Variants in SLC2A9 observed in about 807,000 individuals in gnomAD.
SLC2A9 encodes the protein solute carrier family 2, facilitated glucose transporter member 9.
SLC2A9 carries 39 observed loss-of-function variants against 50.6 expected under a neutral mutation model. The ratio of observed to expected loss-of-function variants is 0.77; its 90% CI spans 0.60 to 1.01. SLC2A9 has a LOEUF of 1.01. Ranked by LOEUF, SLC2A9 falls within the 50% of genes least tolerant of loss-of-function variation. The pLI is 0.00. For missense variants in SLC2A9, 686 were observed against 677.6 expected, an observed-to-expected ratio of 1.01 and a Z score of -0.14; for synonymous variants, 324 against 276.9, an observed-to-expected ratio of 1.17 and a Z score of -1.69.
chr4:9,893,312 A>T (rs2109816157), intron 8 of SLC2A9, among the ~76,000 whole-genome samples: 1 of 151,968 alleles, frequency 6.6e-6, no homozygotes, highest in East Asian at 1.9e-4. Context: ...CAGAGCCTGG[A>T]AGAATACCTG....
At chr4:9,897,032 G>C (rs541322004) in intron 8 of SLC2A9, among the ~76,000 whole-genome samples, 1 of 152,160 alleles carries the variant, frequency 6.6e-6, no homozygotes, top group East Asian at 1.9e-4. Context: ...CATTTTCTTG[G>C]GGTAGGTGCT....
chr4:9,900,572 CCT>C (rs1739414205), intron 8 of SLC2A9, among the ~76,000 whole-genome samples: 1 of 152,146 alleles, frequency 6.6e-6, no homozygotes, highest in Non-Finnish European at 1.5e-5. Flanking sequence ...TTCTTCCCTT[CCT>C]CATCCCCACC....
At chr4:10,030,604 G>T (rs1290578642) in intron 1 of SLC2A9, among the ~76,000 whole-genome samples, 2 of 152,070 alleles carry the variant, frequency 1.3e-5, no homozygotes, top group Non-Finnish European at 2.9e-5. Flanking sequence ...GGAAATCTCT[G>T]TACCTTCCTC....
chr4:9,791,783 C>T (rs1049071458), intron 3 of SLC2A9, among the ~76,000 whole-genome samples: 7 of 152,160 alleles, frequency 4.6e-5, no homozygotes, highest in African/African-American at 1.7e-4. Context: ...CCTTATATTA[C>T]TCCTTGATTG....
chr4:9,964,166 A>C (rs1252471614), intron 5 of SLC2A9, among the ~76,000 whole-genome samples: 1 of 152,162 alleles, frequency 6.6e-6, no homozygotes, highest in Non-Finnish European at 1.5e-5. Context: ...TTTTGTATGC[A>C]CCCGGGTATA....
chr4:9,834,876 C>A lies in SLC2A9; in HGVS notation c.1419+5G>T. On this transcript the variant is annotated splice_donor_5th_base_variant and intron_variant, in intron 11 of 11. Transcript: ENST00000264784. ...CATGGGCAAAAGACTCCTTGTCAGT[C>A]ATACCTGAATGAATGGGAAGAGGAG... 6.2e-7 allele frequency: 1 copy of A among 1,614,100 alleles called. No homozygotes were observed. Among genetic ancestry groups the A allele is most frequent in the Non-Finnish European group, 8.5e-7 (1 of 1,180,012 alleles).
At chr4:9,912,007 G>A (rs1741911310) in intron 7 of SLC2A9, among the ~76,000 whole-genome samples, 1 of 152,100 alleles carries the variant, frequency 6.6e-6, no homozygotes. Context: ...GGATGAAGCT[G>A]GAAACCATCA....
rs566407372 is a variant in SLC2A9, at chr4:9,807,560, G to T, written n.421-8319C>A. Among the ~76,000 whole-genome samples the T allele has an allele frequency of 8.3e-4, 127 of 152,194 alleles. 1 individual carries two copies. The highest frequency in any genetic ancestry group is 3.0e-3 in the African/African-American group (124 of 41,526). On this transcript the variant is annotated intron_variant and non_coding_transcript_variant, in intron 3 of 3. Transcript: ENST00000503280. ...AGCTGGGCCAGGCCTCTTGCCTTTTGCATTTCCAGTGCATAGCATCAGTGT... is the reference window on the plus strand; with the variant it reads ...AGCTGGGCCAGGCCTCTTGCCTTTTTCATTTCCAGTGCATAGCATCAGTGT...
intron 2 of SLC2A9, among the ~76,000 whole-genome samples, chr4:10,008,810 G>A (rs1204116529): frequency 6.6e-6 from 1 of 151,800 alleles, no homozygotes; most frequent in Admixed American, 6.6e-5. Flanking sequence ...AATCTGCCAT[G>A]TGGGGCTGGT....
intron 5 of SLC2A9, among the ~76,000 whole-genome samples, chr4:9,942,656 G>A (rs1441087705): frequency 1.3e-5 from 2 of 152,200 alleles, no homozygotes; most frequent in East Asian, 1.9e-4. Flanking sequence ...AGATCCCTAC[G>A]ACACGCACTA....
intron 2 of SLC2A9, among the ~76,000 whole-genome samples, chr4:10,007,223 A>C (rs943456160): frequency 2.0e-5 from 3 of 152,106 alleles, no homozygotes; most frequent in Non-Finnish European, 2.9e-5. Context: ...CTAAGGAAAA[A>C]ACTCAGCTCC....
chr4:9,809,562 G>A (rs1398197242), intron 3 of SLC2A9, among the ~76,000 whole-genome samples: 1 of 152,170 alleles, frequency 6.6e-6, no homozygotes, highest in East Asian at 1.9e-4. Flanking sequence ...AAACAACTGA[G>A]CACATTCCAG....
intron 7 of SLC2A9, 79 bp from the exon 8 acceptor site, chr4:9,908,424 C>G: frequency 9.8e-7 from 1 of 1,020,214 alleles, no homozygotes; most frequent in African/African-American, 1.6e-5. Flanking sequence ...ATTTGGGTAT[C>G]AGGTGGTCTC....
intron 10 of SLC2A9, among the ~76,000 whole-genome samples, chr4:9,841,324 G>A (rs1728054351): frequency 6.6e-6 from 1 of 152,004 alleles, no homozygotes; most frequent in Non-Finnish European, 1.5e-5. Flanking sequence ...TTGTTCTCTT[G>A]TTTTCTGCAT....
At chr4:9,811,628 T>A (rs573722807) in intron 3 of SLC2A9, among the ~76,000 whole-genome samples, 18 of 152,302 alleles carry the variant, frequency 1.2e-4, no homozygotes, top group South Asian at 2.1e-4. Flanking sequence ...AAATGACTGA[T>A]TAAATTCAGG....
intron 8 of SLC2A9, among the ~76,000 whole-genome samples, chr4:9,901,944 C>T (rs1452133668): frequency 1.3e-5 from 2 of 152,250 alleles, no homozygotes; most frequent in African/African-American, 4.8e-5. Context: ...TTTTGCCTGG[C>T]TTTGTCCCTC....
intron 6 of SLC2A9, among the ~76,000 whole-genome samples, chr4:9,921,819 T>C (rs1465338114): frequency 6.6e-6 from 1 of 152,236 alleles, no homozygotes; most frequent in Admixed American, 6.5e-5. Flanking sequence ...AAATGCAACA[T>C]CTATGTGATA....
intron 8 of SLC2A9, among the ~76,000 whole-genome samples, chr4:9,903,940 T>C (rs1042193121): frequency 2.7e-5 from 4 of 147,956 alleles, no homozygotes; most frequent in Admixed American, 1.4e-4. Flanking sequence ...TTTATTTCCT[T>C]GTTTTCAAAT....
intron 5 of SLC2A9, among the ~76,000 whole-genome samples, chr4:9,950,738 A>AT (rs1285129997): frequency 3.3e-5 from 1 of 30,268 alleles, no homozygotes; most frequent in African/African-American, 4.4e-4. Flanking sequence ...CTAAAAATAC[A>AT]AAAAATTAGC....
Sources: gnomAD v4.1 joint callset for allele counts (sites outside exome capture counted in the v4.1 genomes callset) on GRCh38, gnomAD v4.1.1 for gene constraint, MANE v1.5 for transcripts, NCBI Gene and HGNC (gene_info 2026-07-23, HGNC 2026-07-21) for gene names.